TAOK1: variants seen among roughly 807,000 people sequenced by gnomAD.
The protein encoded by TAOK1 is serine/threonine-protein kinase TAO1.
A neutral mutation model predicts 138.3 loss-of-function variants in TAOK1; 21 were observed. The ratio of observed to expected loss-of-function variants is 0.15; its 90% CI spans 0.11 to 0.22. The LOEUF is 0.22. Among genes scored for constraint, TAOK1 ranks in the 10% least tolerant of loss-of-function variants. The pLI is 1.00. For missense variants in TAOK1, 651 were observed against 1,227.7 expected, an observed-to-expected ratio of 0.53 and a Z score of 7.02; for synonymous variants, 361 against 398.4, an observed-to-expected ratio of 0.91 and a Z score of 1.12.
intron 13 of TAOK1, among the ~76,000 whole-genome samples, chr17:29,504,309 AAAAG>A (rs1409649704): frequency 6.8e-6 from 1 of 147,624 alleles, no homozygotes; most frequent in East Asian, 2.0e-4. Context: ...GGAAAGGAAG[AAAAG>A]AAAAGAAAGA....
intron 2 of TAOK1, among the ~76,000 whole-genome samples, chr17:29,462,054 A>G (rs1273153774): frequency 1.3e-5 from 2 of 152,108 alleles, no homozygotes; most frequent in African/African-American, 2.4e-5. Flanking sequence ...TCTCATCCCC[A>G]CTCCATGACA....
intron 1 of TAOK1, among the ~76,000 whole-genome samples, chr17:29,449,584 T>C (rs940066547): frequency 2.6e-5 from 4 of 152,326 alleles, no homozygotes; most frequent in Admixed American, 2.6e-4. Flanking sequence ...CTTATGCCTG[T>C]AATCCCAGCA....
chr17:29,457,402 C>CTTTTTT (rs769026325), intron 2 of TAOK1, among the ~76,000 whole-genome samples: 3 of 76,596 alleles, frequency 3.9e-5, no homozygotes, highest in African/African-American at 6.1e-5. Context: ...CACCCCAGGC[C>CTTTTTT]TTTTTTTTTT....
At chr17:29,405,740 C>T (rs928303210) in intron 1 of TAOK1, among the ~76,000 whole-genome samples, 1 of 152,080 alleles carries the variant, frequency 6.6e-6, no homozygotes, top group Non-Finnish European at 1.5e-5. Flanking sequence ...CATCGAACCT[C>T]TCTACTCCAG....
intron 1 of TAOK1, among the ~76,000 whole-genome samples, chr17:29,419,081 A>C (rs1005890194): frequency 1.2e-4 from 18 of 151,972 alleles, no homozygotes; most frequent in African/African-American, 4.1e-4. Flanking sequence ...CTATGAATTT[A>C]GTACATTTCT....
At chr17:29,477,488 A>T (rs1043234176) in intron 4 of TAOK1, among the ~76,000 whole-genome samples, 173 bp from the exon 5 acceptor site, 42 of 151,712 alleles carry the variant, frequency 2.8e-4, no homozygotes, top group Non-Finnish European at 4.4e-5. Context: ...AAAAAATTTT[A>T]AAAATATATT....
intron 8 of TAOK1, among the ~76,000 whole-genome samples, chr17:29,487,757 A>G (rs954463483): frequency 6.6e-6 from 1 of 152,252 alleles, no homozygotes; most frequent in Non-Finnish European, 1.5e-5. Context: ...GTGACTCCAT[A>G]CAATAAATAA....
intron 5 of TAOK1, among the ~76,000 whole-genome samples, chr17:29,477,956 C>G (rs2030981494): frequency 6.6e-6 from 1 of 152,074 alleles, no homozygotes; most frequent in South Asian, 2.1e-4. Flanking sequence ...TGTCATTCTG[C>G]TCCTCTTGTT....
At chr17:29,510,768 T>C (rs1442313066) in intron 14 of TAOK1, 96 bp from the exon 15 acceptor site, 16 of 902,766 alleles carry the variant, frequency 1.8e-5, no homozygotes, top group Middle Eastern at 3.7e-4. Flanking sequence ...AATGATTTCT[T>C]GTTCTTAGAA....
At chr17:29,427,527 C>CAAAAAAAAA (rs1255682171) in intron 1 of TAOK1, among the ~76,000 whole-genome samples, 1 of 64,192 alleles carries the variant, frequency 1.6e-5, no homozygotes, top group Non-Finnish European at 3.4e-5. Context: ...AACTCCGTCT[C>CAAAAAAAAA]AAAAAAAAAA....
At chr17:29,540,103 T>A (rs2032291616) in intron 19 of TAOK1, among the ~76,000 whole-genome samples, 1 of 151,964 alleles carries the variant, frequency 6.6e-6, no homozygotes, top group Non-Finnish European at 1.5e-5. Context: ...AAATAAGAAA[T>A]GTTTGGGAGA....
At chr17:29,468,042 G>C (rs551344595) in intron 3 of TAOK1, among the ~76,000 whole-genome samples, 5 of 149,138 alleles carry the variant, frequency 3.4e-5, no homozygotes, top group East Asian at 2.0e-4. Flanking sequence ...GGCCAGGCTG[G>C]TCTCAAACTC....
At chr17:29,519,329 A>G (rs776094757) in intron 16 of TAOK1, among the ~76,000 whole-genome samples, 6 of 151,926 alleles carry the variant, frequency 3.9e-5, no homozygotes, top group Non-Finnish European at 5.9e-5. Context: ...TGGCCAACAT[A>G]GTGAAACCCC....
At position 29,450,041 on chromosome 17, in the gene TAOK1, CCTTTT is replaced by C. The variant is rs199617221; in HGVS notation, c.-94-1404_-94-1400del. On this transcript the variant is annotated intron_variant, in intron 1 of 19. Transcript: ENST00000261716. ...GATTTTTTCCTCCTTCCTTCCTTTC[CCTTTT>C]CTTTTCTTTCCTTTCCTTTTTATTT... 4.7e-4 allele frequency among the ~76,000 whole-genome samples: 72 copies of C among 151,966 alleles called. No homozygotes were observed. The East Asian group carries it at 0.013, about 27-fold the overall frequency.
At chr17:29,521,031 A>C (rs765349337) in intron 16 of TAOK1, among the ~76,000 whole-genome samples, 66 of 152,272 alleles carry the variant, frequency 4.3e-4, no homozygotes, top group African/African-American at 1.5e-3. Flanking sequence ...GTCTCAAAAA[A>C]AAAAAAATCT....
intron 2 of TAOK1, among the ~76,000 whole-genome samples, chr17:29,454,967 A>T (rs2030338414): frequency 6.6e-6 from 1 of 152,088 alleles, no homozygotes; most frequent in South Asian, 2.1e-4. Flanking sequence ...CCCAGGCTGG[A>T]GTACAGTGGC....
At chr17:29,400,688 T>C (rs977988093) in intron 1 of TAOK1, among the ~76,000 whole-genome samples, 3 of 152,174 alleles carry the variant, frequency 2.0e-5, no homozygotes, top group Admixed American at 6.6e-5. Context: ...ACCTTCTGAA[T>C]AGTTTTCTCA....
chr17:29,534,404 C>A (rs1334450249), intron 19 of TAOK1, 104 bp downstream of exon 19: 4 of 1,045,126 alleles, frequency 3.8e-6, no homozygotes, highest in African/African-American at 1.6e-5. Flanking sequence ...AGATTTCTTT[C>A]ACAATACCAC....
At chr17:29,521,872 G>T (rs1304127158) in intron 16 of TAOK1, among the ~76,000 whole-genome samples, 2 of 152,166 alleles carry the variant, frequency 1.3e-5, no homozygotes, top group Non-Finnish European at 2.9e-5. Context: ...ATGAGCCACC[G>T]CGCCCAGCTG....
Sources: gnomAD v4.1 joint callset for allele counts (sites outside exome capture counted in the v4.1 genomes callset) on GRCh38, gnomAD v4.1.1 for gene constraint, MANE v1.5 for transcripts, NCBI Gene and HGNC (gene_info 2026-07-23, HGNC 2026-07-21) for gene names.